NONO: variants seen among roughly 807,000 people sequenced by gnomAD.
The protein encoded by NONO is non-POU domain containing octamer binding.
In NONO, 6 loss-of-function variants were observed where a neutral mutation model predicts 40.2. The observed-to-expected ratio is 0.15, with a 90% CI of 0.08 to 0.29. The LOEUF (loss-of-function observed/expected upper bound fraction) is 0.29, where lower values mean the gene tolerates loss of function less well. Ranked by LOEUF, NONO falls within the 10% of genes least tolerant of loss-of-function variation. The probability of loss-of-function intolerance (pLI) is 1.00; values close to 1 mark genes in which losing one functional copy is unlikely to be tolerated. For synonymous variants in NONO, 89 were observed against 123.3 expected, an observed-to-expected ratio of 0.72 and a Z score of 1.85; for missense variants, 133 against 397.8, an observed-to-expected ratio of 0.33 and a Z score of 5.66.
intron 2 of NONO, 77 bp from the exon 3 acceptor site, chrX:71,290,533 GCACTTAAGGTGATGAATTA>G: frequency 3.0e-6 from 2 of 661,250 alleles, no homozygotes; most frequent in Non-Finnish European, 4.7e-6. Flanking sequence ...AAAAGCCAGA[GCACTTAAGGTGATGAATTA>G]CATATAAGTC....
chrX:71,299,488 A>G (rs968809548), intron 11 of NONO, among the ~76,000 whole-genome samples: 4 of 112,810 alleles, frequency 3.5e-5, no homozygotes, highest in African/African-American at 1.3e-4. Flanking sequence ...AATGAAGGCT[A>G]GGCATTATCA....
intron 5 of NONO, 115 bp downstream of exon 5, chrX:71,294,643 C>A: frequency 1.3e-6 from 1 of 750,845 alleles, no homozygotes; most frequent in African/African-American, 2.1e-5. Flanking sequence ...GTCAGCCTGG[C>A]ATGGTGGCTG....
At chrX:71,296,061 G>A (rs909517783) in intron 5 of NONO, among the ~76,000 whole-genome samples, 1 of 110,316 alleles carries the variant, frequency 9.1e-6, no homozygotes, top group Non-Finnish European at 1.9e-5. Flanking sequence ...TACCTACTTG[G>A]AATATCTTTT....
At chrX:71,295,220 CA>C (rs1193819209) in intron 5 of NONO, among the ~76,000 whole-genome samples, 1,413 of 31,071 alleles carry the variant, frequency 0.045, 29 homozygotes, top group African/African-American at 0.14. Flanking sequence ...GACTCTGTCT[CA>C]AAAAAAAAAA....
intron 5 of NONO, among the ~76,000 whole-genome samples, chrX:71,295,965 T>A (rs1429412652): frequency 9.0e-6 from 1 of 110,920 alleles, no homozygotes; most frequent in Non-Finnish European, 1.9e-5. Flanking sequence ...AAAAGTTGAT[T>A]TGTGCCTGCA....
rs1485390897 is a variant in NONO at position 71,297,917 on chromosome X, C to G, written c.1110C>G (p.Phe370Leu). Residue 370 changes from phenylalanine to leucine, a missense_variant, in exon 9 of 12, where the codon TTC becomes TTG. Physicochemically the swap from Phe to Leu is conservative, Grantham distance 22. This residue lies in a region of NONO where 73 missense variants were observed against 162.2 expected (regional missense o/e 0.45). Transcript: ENST00000276079. ...EEMMRRQQEG[F>L]KGTFPDAREQ... ...TGATGCGGCGACAGCAGGAAGGATT[C>G]AAGGGAACCTTCCCTGATGCGGTAT... 4 of 1,195,303 alleles carry G rather than the reference C, an allele frequency of 3.3e-6. No individual in the cohort carries two copies. In the Admixed American group the frequency reaches 8.8e-5, roughly 26 times the overall value.
chrX:71,286,900 C>T (rs1440899633), intron 2 of NONO, among the ~76,000 whole-genome samples: 1 of 111,341 alleles, frequency 9.0e-6, no homozygotes. Flanking sequence ...TTTTTTCTTA[C>T]TAAACTTTTG....
chrX:71,289,540 C>T (rs982977266), intron 2 of NONO, among the ~76,000 whole-genome samples: 1 of 111,610 alleles, frequency 9.0e-6, no homozygotes, highest in African/African-American at 3.3e-5. Context: ...ATCTGCCTGC[C>T]TCAGCCTCCC....
chrX:71,294,282 G>A lies in NONO; in HGVS notation c.404G>A (p.Arg135His). The change falls in exon 5 of 12, where the codon CGT becomes CAT. Residue 135 changes from arginine (R) to histidine (H), a missense_variant. Physicochemically the swap from Arg to His is conservative, Grantham distance 29 (BLOSUM62 0). Coordinates refer to ENST00000276079, the MANE Select transcript of NONO (RefSeq NM_007363.5). Reference sequence around the variant, plus strand: ...GTGGAGCTGGACAATATGCCACTCCGTGGAAAGCAGCTGCGTGTGCGCTTT... The same window carrying A: ...GTGGAGCTGGACAATATGCCACTCCATGGAAAGCAGCTGCGTGTGCGCTTT... ...AKVELDNMPL[R>H]GKQLRVRFAC... The A allele has an allele frequency of 8.3e-7, 1 of 1,212,105 alleles. No homozygotes were observed. The highest frequency in any genetic ancestry group is 3.0e-5 in the East Asian group (1 of 33,849).
chrX:71,290,111 G>T (rs2031290681), intron 2 of NONO, among the ~76,000 whole-genome samples: 1 of 110,535 alleles, frequency 9.0e-6, no homozygotes, highest in Admixed American at 9.7e-5. Context: ...GGGGTCTCAC[G>T]GTGTTGTCTA....
intron 2 of NONO, among the ~76,000 whole-genome samples, chrX:71,288,006 T>C (rs1200436215): frequency 3.0e-5 from 3 of 98,814 alleles, no homozygotes; most frequent in Middle Eastern, 0.01. Flanking sequence ...CATGCTGGCT[T>C]CATTTTTTTT....
intron 2 of NONO, among the ~76,000 whole-genome samples, chrX:71,286,958 G>A (rs1413301835): frequency 8.9e-6 from 1 of 112,171 alleles, no homozygotes; most frequent in Non-Finnish European, 1.9e-5. Flanking sequence ...TTGGTGGGAT[G>A]TGACATTAAA....
chrX:71,292,181 C>T (rs1028057720), intron 4 of NONO: 10 of 303,120 alleles, frequency 3.3e-5, no homozygotes, highest in Middle Eastern at 8.6e-4. Flanking sequence ...GATACTGGAG[C>T]TAAAGTATGC....
chrX:71,296,444 TA>T (rs112683208), intron 5 of NONO, 120 bp from the exon 6 acceptor site: 14 of 507,016 alleles, frequency 2.8e-5, no homozygotes, highest in African/African-American at 1.7e-4. Flanking sequence ...TCATTAGGTA[TA>T]AAAACTTCAG....
chrX:71,292,624 A>C (rs1429468609), intron 4 of NONO: 1 of 111,937 alleles, frequency 8.9e-6, no homozygotes, highest in African/African-American at 3.2e-5. Context: ...TTTTATCTGT[A>C]CCCTTTCCCT....
chrX:71,298,994 T>C (rs1384458581), intron 11 of NONO, among the ~76,000 whole-genome samples, 178 bp downstream of exon 11: 1 of 111,329 alleles, frequency 9.0e-6, no homozygotes, highest in Non-Finnish European at 1.9e-5. Context: ...TGGTCTTGGC[T>C]CACTGCAACC....
chrX:71,298,666 C>T, intron 10 of NONO, 41 bp from the exon 11 acceptor site: 1 of 1,137,211 alleles, frequency 8.8e-7, no homozygotes, highest in Non-Finnish European at 1.2e-6. Flanking sequence ...AAGAGACTAA[C>T]AATCTTTATC....
chrX:71,296,102 T>C (rs1432492526), intron 5 of NONO, among the ~76,000 whole-genome samples: 1 of 110,376 alleles, frequency 9.1e-6, no homozygotes, highest in African/African-American at 3.3e-5. Context: ...TAAGTCCTGA[T>C]TTCGTCCTGT....
chrX:71,297,297 T>C, intron 7 of NONO, 80 bp from the exon 8 acceptor site: 7 of 955,826 alleles, frequency 7.3e-6, no homozygotes, highest in Admixed American at 2.9e-5. Flanking sequence ...TCCTCTTTGC[T>C]TTCTGGATCT....
Sources: allele counts gnomAD v4.1 joint callset (sites outside exome capture counted in the v4.1 genomes callset), GRCh38; gene constraint gnomAD v4.1.1; regional missense constraint gnomAD v4.1.1; transcripts MANE v1.5; gene names NCBI Gene and HGNC (gene_info 2026-07-23, HGNC 2026-07-21).